Variants in SRBD1 observed in about 807,000 individuals in gnomAD.
The protein encoded by SRBD1 is S1 RNA binding domain 1.
Under a neutral mutation model 115.3 loss-of-function variants are expected in SRBD1, and 88 were observed. That is an observed-to-expected ratio of 0.76 (90% CI 0.64 to 0.91). SRBD1 has a LOEUF of 0.91. Among genes scored for constraint, SRBD1 ranks in the 40% least tolerant of loss-of-function variants. SRBD1 has a pLI of 0.00. For missense variants in SRBD1, 1,385 were observed against 1,177.4 expected (o/e 1.18, Z -2.58); for synonymous variants, 509 against 407.7 (o/e 1.25, Z -2.99).
At chr2:45,534,142 A>T (rs1671694623) in intron 14 of SRBD1, among the ~76,000 whole-genome samples, 1 of 152,006 alleles carries the variant, frequency 6.6e-6, no homozygotes, top group Non-Finnish European at 1.5e-5. Context: ...TTCAAATCCA[A>T]ATAGTATTTT....
chr2:45,611,037 G>A (rs1271883294), intron 1 of SRBD1, among the ~76,000 whole-genome samples, 182 bp downstream of exon 1: 2 of 152,178 alleles, frequency 1.3e-5, no homozygotes, highest in Non-Finnish European at 1.5e-5. Flanking sequence ...AGGGGTTTTC[G>A]GGTGGTCGGT....
intron 5 of SRBD1, among the ~76,000 whole-genome samples, chr2:45,584,677 CAGTGA>C (rs1158547846): frequency 6.6e-6 from 1 of 152,168 alleles, no homozygotes; most frequent in African/African-American, 2.4e-5. Context: ...AATGCATAAG[CAGTGA>C]AGTGTTTTAA....
Position 45,491,177 on chromosome 2 carries a change from A to G in SRBD1, c.1875-2846T>C, listed in dbSNP as rs554899064. ...TCAAGAATAGACACTTGCCAAAAGT[A>G]CACTAAATTTACGAAAACACTTTCT... On this transcript the variant is annotated intron_variant, in intron 14 of 20. Transcript: ENST00000263736. Among the ~76,000 whole-genome samples the G allele has an allele frequency of 3.9e-5, 6 of 152,332 alleles. No individual in the cohort carries two copies. The South Asian group carries it at 6.2e-4, about 16-fold the overall frequency.
chr2:45,413,269 T>G lies in SRBD1; in HGVS notation c.2358A>C (p.Gln786His), dbSNP rs1266827434. The G allele has an allele frequency of 2.5e-6, 4 of 1,613,718 alleles. No homozygotes were observed. The highest frequency in any genetic ancestry group is 3.4e-6 in the Non-Finnish European group (4 of 1,179,896). ...FCSQQTETSG[Q>H]IQGVAVTSSA... The stretch of plus-strand genomic sequence containing the variant: ...AAGATGTCACAGCAACTCCTTGAAT[T>G]TGGCCTGAAGTTTCAGTTTGCTGAC... Residue 786 changes from glutamine (Q) to histidine (H), a missense_variant, in exon 19 of 21, where the codon CAA becomes CAC. Transcript: ENST00000263736.
At chr2:45,610,305 A>T (rs1674405560) in intron 1 of SRBD1, among the ~76,000 whole-genome samples, 1 of 152,254 alleles carries the variant, frequency 6.6e-6, no homozygotes, top group Admixed American at 6.5e-5. Flanking sequence ...TCAAGAAGGC[A>T]AACAAAGGAG....
chr2:45,416,707 C>T (rs891628060), intron 18 of SRBD1, among the ~76,000 whole-genome samples: 41 of 152,158 alleles, frequency 2.7e-4, no homozygotes, highest in African/African-American at 9.7e-4. Context: ...GAAACTTTTT[C>T]AAGTGAGACT....
At chr2:45,578,034 G>C (rs1673232656) in intron 7 of SRBD1, among the ~76,000 whole-genome samples, 1 of 152,162 alleles carries the variant, frequency 6.6e-6, no homozygotes, top group Middle Eastern at 3.2e-3. Flanking sequence ...GCATCACCAT[G>C]TAGGACAATC....
chr2:45,418,895 A>G (rs1667916602), intron 17 of SRBD1, among the ~76,000 whole-genome samples: 1 of 152,132 alleles, frequency 6.6e-6, no homozygotes, highest in Non-Finnish European at 1.5e-5. Flanking sequence ...TTTTTTCAGC[A>G]TACATACAAA....
At chr2:45,498,448 T>G (rs981192593) in intron 14 of SRBD1, among the ~76,000 whole-genome samples, 1 of 152,168 alleles carries the variant, frequency 6.6e-6, no homozygotes, top group Non-Finnish European at 1.5e-5. Flanking sequence ...ATTTTTGGGG[T>G]ACATTGATAA....
intron 4 of SRBD1, 58 bp from the exon 5 acceptor site, chr2:45,585,832 G>C: frequency 7.4e-7 from 1 of 1,351,296 alleles, no homozygotes; most frequent in Non-Finnish European, 1.0e-6. Flanking sequence ...TCTATATCAT[G>C]TATAATTTAA....
intron 14 of SRBD1, among the ~76,000 whole-genome samples, chr2:45,520,715 G>C (rs1469487224): frequency 6.6e-6 from 1 of 152,166 alleles, no homozygotes; most frequent in South Asian, 2.1e-4. Context: ...ACCAAGATGA[G>C]TTTGGCTGGG....
intron 4 of SRBD1, 51 bp from the exon 5 acceptor site, chr2:45,585,825 A>T: frequency 7.2e-7 from 1 of 1,380,300 alleles, no homozygotes. Flanking sequence ...TTAAACATCT[A>T]TATCATGTAT....
chr2:45,456,731 T>A (rs1669166348), intron 16 of SRBD1, among the ~76,000 whole-genome samples: 1 of 151,882 alleles, frequency 6.6e-6, no homozygotes, highest in African/African-American at 2.4e-5. Flanking sequence ...AAGAAAAATA[T>A]TAAACTATCT....
chr2:45,467,815 T>C (rs1460966190), intron 16 of SRBD1, among the ~76,000 whole-genome samples: 2 of 152,124 alleles, frequency 1.3e-5, no homozygotes, highest in East Asian at 1.9e-4. Flanking sequence ...TAAATTCTCA[T>C]TGTAAAACAC....
intron 19 of SRBD1, among the ~76,000 whole-genome samples, chr2:45,406,268 A>G (rs1667434034): frequency 6.6e-6 from 1 of 151,702 alleles, no homozygotes; most frequent in African/African-American, 2.4e-5. Flanking sequence ...CAGAAGGAGT[A>G]AAAATACAGA....
intron 19 of SRBD1, among the ~76,000 whole-genome samples, chr2:45,398,328 G>A (rs1667203339): frequency 6.6e-6 from 1 of 151,694 alleles, no homozygotes; most frequent in African/African-American, 2.4e-5. Context: ...TTATTTCTTG[G>A]TACCATTTGG....
intron 18 of SRBD1, among the ~76,000 whole-genome samples, chr2:45,416,218 G>C (rs960556902): frequency 4.6e-5 from 7 of 152,006 alleles, no homozygotes; most frequent in Admixed American, 2.0e-4. Flanking sequence ...ATCTAGCTAT[G>C]TGTTTCTAAG....
chr2:45,493,811 C>CAA (rs751899968), intron 14 of SRBD1, among the ~76,000 whole-genome samples: 2 of 114,168 alleles, frequency 1.8e-5, no homozygotes, highest in Non-Finnish European at 1.9e-5. Flanking sequence ...AACTTCAACT[C>CAA]AAAAAAAAAA....
At chr2:45,391,867 G>A (rs1667013602) in intron 20 of SRBD1, among the ~76,000 whole-genome samples, 1 of 152,160 alleles carries the variant, frequency 6.6e-6, no homozygotes. Flanking sequence ...TGCAGTTACA[G>A]CATTTTTTGC....
Sources: allele counts gnomAD v4.1 joint callset (sites outside exome capture counted in the v4.1 genomes callset), GRCh38; gene constraint gnomAD v4.1.1; transcripts MANE v1.5; gene names NCBI Gene and HGNC (gene_info 2026-07-23, HGNC 2026-07-21).